ECI1: variants seen among roughly 807,000 people sequenced by gnomAD.
ECI1 encodes the protein enoyl-CoA delta isomerase 1, mitochondrial.
ECI1 carries 34 observed loss-of-function variants against 34.2 expected under a neutral mutation model. The ratio of observed to expected loss-of-function variants is 1.00; its 90% CI spans 0.76 to 1.33. ECI1 has a LOEUF of 1.33. ECI1 is among the 40% of genes most tolerant of loss of function. The pLI is 0.00. For synonymous variants in ECI1, 211 were observed against 193.0 expected, an observed-to-expected ratio of 1.09 and a Z score of -0.77; for missense variants, 456 against 422.2, an observed-to-expected ratio of 1.08 and a Z score of -0.70.
intron 3 of ECI1, among the ~76,000 whole-genome samples, chr16:2,246,589 G>A (rs1010112400): frequency 2.0e-5 from 3 of 152,210 alleles, no homozygotes; most frequent in African/African-American, 7.2e-5. Flanking sequence ...TGTCTCCTGG[G>A]AAGGCTGTCT....
chr16:2,242,626 T>G, intron 6 of ECI1: 1 of 241,118 alleles, frequency 4.1e-6, no homozygotes, highest in East Asian at 1.0e-4. Flanking sequence ...TTAAGGTAGG[T>G]CCTAAATCAC....
chr16:2,240,823 A>G (rs934819277), intron 6 of ECI1: 22 of 152,098 alleles, frequency 1.4e-4, no homozygotes, highest in African/African-American at 4.6e-4. Flanking sequence ...CAGCCTCCTG[A>G]GTAGCTGGGA....
intron 4 of ECI1, 54 bp from the exon 5 acceptor site, chr16:2,243,493 C>G: frequency 6.2e-7 from 1 of 1,601,222 alleles, no homozygotes; most frequent in Non-Finnish European, 8.5e-7. Flanking sequence ...CAACCACATT[C>G]CAGAGGGCCA....
chr16:2,247,085 G>T, intron 2 of ECI1, 99 bp from the exon 3 acceptor site: 1 of 1,418,648 alleles, frequency 7.0e-7, no homozygotes. Flanking sequence ...TGTGCATTTT[G>T]GGGGTTTTAT....
chr16:2,251,483 G>T (rs772468885), intron 1 of ECI1, 32 bp downstream of exon 1: 30 of 1,550,634 alleles, frequency 1.9e-5, no homozygotes, highest in Non-Finnish European at 2.3e-5. Context: ...CCCCGGCCCC[G>T]GCCCGATCCC....
chr16:2,240,339 G>A (rs1028344364), intron 6 of ECI1, 194 bp from the exon 7 acceptor site: 8 of 559,386 alleles, frequency 1.4e-5, no homozygotes, highest in Non-Finnish European at 2.6e-5. Context: ...AGCCTCTTGA[G>A]TAGCTGGGAT....
At chr16:2,242,133 C>T (rs2093529476) in intron 6 of ECI1, among the ~76,000 whole-genome samples, 1 of 152,204 alleles carries the variant, frequency 6.6e-6, no homozygotes, top group Non-Finnish European at 1.5e-5. Flanking sequence ...GTTGGGATTA[C>T]AGGTGTGAGC....
In ECI1 at chr16:2,246,471, C is replaced by G. The variant is rs2093540536; in HGVS notation, c.294+388G>C. Among the ~76,000 whole-genome samples, 3 of 152,176 alleles carry G rather than the reference C, an allele frequency of 2.0e-5. No homozygotes were observed. The South Asian group carries it at 6.2e-4, about 32-fold the overall frequency. ...TGCCCACAGCTCTCCCCAGTGTCCG[C>G]CTGGACGACGGCCCGGGCAGGGAAG... is the stretch of plus-strand genomic sequence containing the variant. On this transcript the variant is annotated intron_variant, in intron 3 of 6. Transcript: ENST00000301729.
At position 2,251,526 on chromosome 16, in the gene ECI1, A is replaced by C. The variant is rs199944223; in HGVS notation, c.41T>G (p.Leu14Arg). 1 of 1,560,730 alleles carries C rather than the reference A, an allele frequency of 6.4e-7. No homozygotes were observed. The highest frequency in any genetic ancestry group is 8.7e-7 in the Non-Finnish European group (1 of 1,153,792). ...CCCGGGTTTCGCACCCGCGCGGAGC[A>C]GAACGCGCGCCGGGACTCGCACAGA... The part of the protein sequence containing the change: ...VASVRVPARV[L>R]LRAGARLPGA... The change falls in exon 1 of 7, where the codon CTG (leucine) becomes CGG (arginine). Residue 14 changes from leucine to arginine, a missense_variant. Leu to Arg is a moderately radical substitution (Grantham distance 102). Transcript: ENST00000301729.
At position 2,239,843 on chromosome 16, in the gene ECI1, T is replaced by A. The variant is rs1325311174; in HGVS notation, c.*136A>T. 3.1e-6 allele frequency: 3 copies of A among 973,692 alleles called. No individual in the cohort carries two copies. Among genetic ancestry groups the A allele is most frequent in the Admixed American group, 3.8e-5 (2 of 53,048 alleles). 60.3% of individuals were successfully genotyped at this position (973,692 alleles called of 1,614,324 possible). ...GGCTGGGCCTTGGGCCACTGGGCTA[T>A]GAGGAACAGGAACTTCTACGTAACA... On this transcript the variant is annotated 3_prime_UTR_variant, in exon 7 of 7. Transcript: ENST00000301729.
At chr16:2,249,620 C>T (rs554286520) in intron 2 of ECI1, among the ~76,000 whole-genome samples, 35 of 151,302 alleles carry the variant, frequency 2.3e-4, no homozygotes, top group African/African-American at 8.5e-4. Flanking sequence ...GCCTGTAATC[C>T]CAGCACTTTG....
intron 2 of ECI1, 95 bp downstream of exon 2, chr16:2,251,221 C>A: frequency 2.2e-6 from 1 of 447,890 alleles, no homozygotes; most frequent in Non-Finnish European, 3.2e-6. Context: ...ACAAACCGAG[C>A]GTCGACAGAC....
At chr16:2,251,242 G>C in intron 2 of ECI1, 74 bp downstream of exon 2, 1 of 699,870 alleles carries the variant, frequency 1.4e-6, no homozygotes, top group Non-Finnish European at 1.9e-6. Context: ...GTGGTTCTCC[G>C]ACAGCACCCC....
intron 2 of ECI1, among the ~76,000 whole-genome samples, chr16:2,251,011 G>C (rs1353983622): frequency 1.3e-5 from 2 of 151,998 alleles, no homozygotes; most frequent in African/African-American, 2.4e-5. Context: ...GTACAGATAG[G>C]GTTTCATCAT....
rs1483582573 is a variant in ECI1, at chr16:2,243,406, G to A, written c.475C>T (p.Leu159=). 1.9e-6 allele frequency: 3 copies of A among 1,613,500 alleles called. No homozygotes were observed. The highest frequency in any genetic ancestry group is 2.2e-5 in the South Asian group (2 of 91,082). Residue 159 remains leucine (L), a synonymous_variant, in exon 5 of 7, where the codon CTG becomes TTG. Coordinates refer to ENST00000301729, the MANE Select transcript of ECI1 (RefSeq NM_001919.4). ...GCCAGGATGCGGTAGTCACAGGTCAGGGCCACCAGGCAGCCTCCAGCGGGG... is the reference window on the plus strand; with the variant it reads ...GCCAGGATGCGGTAGTCACAGGTCAAGGCCACCAGGCAGCCTCCAGCGGGG... ...ACPAGGCLVA[L]TCDYRILADN...
chr16:2,239,510 C>T lies in ECI1; in HGVS notation c.*469G>A, dbSNP rs972880579. ...CCGCTGGCTCAGGATCCCCCAGTTG[C>T]TCTGATTCACTGTGCGCTCTTCATC... On this transcript the variant is annotated 3_prime_UTR_variant, in exon 7 of 7. Coordinates refer to ENST00000301729, the MANE Select transcript of ECI1 (RefSeq NM_001919.4). 1.6e-4 allele frequency: 33 copies of T among 200,514 alleles called. No homozygotes were observed. Among genetic ancestry groups the T allele is most frequent in the Admixed American group, 2.1e-4 (4 of 18,852 alleles). 12.4% of individuals were successfully genotyped at this position (200,514 alleles called of 1,614,324 possible). A position where few individuals can be genotyped will look rare whatever the true frequency, so the allele number is the denominator to read the frequency against.
chr16:2,249,788 G>A (rs2141510842), intron 2 of ECI1, among the ~76,000 whole-genome samples: 1 of 144,422 alleles, frequency 6.9e-6, no homozygotes, highest in South Asian at 2.2e-4. Flanking sequence ...TGAGGTAGAA[G>A]AATGGTGTGA....
At position 2,244,561 on chromosome 16, in the gene ECI1, G is replaced by A. The variant is rs760907228; in HGVS notation, c.295-9C>T. 29 of 1,575,060 alleles carry A rather than the reference G, an allele frequency of 1.8e-5. No homozygotes were observed. Among genetic ancestry groups the A allele is most frequent in the African/African-American group, 1.3e-4 (10 of 74,098 alleles). ...AAGACACCCGGGCGGTCCTGCAGGG[G>A]GAGCCGGGGCCACATGCCCATCAGA... On this transcript the variant is annotated splice_polypyrimidine_tract_variant and intron_variant, in intron 3 of 6. Transcript: ENST00000301729.
intron 2 of ECI1, among the ~76,000 whole-genome samples, chr16:2,247,528 G>C (rs1285967645): frequency 6.6e-6 from 1 of 152,168 alleles, no homozygotes; most frequent in African/African-American, 2.4e-5. Context: ...CTCCCGAGTA[G>C]CTAGGATTAC....
Sources: gnomAD v4.1 joint callset for allele counts (sites outside exome capture counted in the v4.1 genomes callset) on GRCh38, gnomAD v4.1.1 for gene constraint, MANE v1.5 for transcripts, NCBI Gene and HGNC (gene_info 2026-07-23, HGNC 2026-07-21) for gene names.